The following GPC5 variants were observed in gnomAD, a reference collection of about 807,000 sequenced individuals.
The protein encoded by GPC5 is glypican 5.
Under a neutral mutation model 53.9 loss-of-function variants are expected in GPC5, and 47 were observed. The ratio of observed to expected loss-of-function variants is 0.87; its 90% confidence interval spans 0.69 to 1.11. GPC5 has a LOEUF of 1.11. Ranked by LOEUF, GPC5 falls within the 50% of genes most tolerant of loss-of-function variation. GPC5 has a pLI of 0.00. For missense variants in GPC5, 748 were observed against 713.1 expected, an observed-to-expected ratio of 1.05 and a Z score of -0.56; for synonymous variants, 286 against 263.3, an observed-to-expected ratio of 1.09 and a Z score of -0.84.
At chr13:92,489,596 G>A (rs1202124686) in intron 7 of GPC5, among the ~76,000 whole-genome samples, 1 of 152,124 alleles carries the variant, frequency 6.6e-6, no homozygotes, top group Non-Finnish European at 1.5e-5. Context: ...GTGGATACCT[G>A]AGGCAGGGCT....
intron 7 of GPC5, among the ~76,000 whole-genome samples, chr13:92,384,506 T>C (rs968956026): frequency 2.6e-5 from 4 of 152,184 alleles, no homozygotes; most frequent in African/African-American, 9.7e-5. Context: ...AATCAACTTA[T>C]AGTTTTATTC....
intron 2 of GPC5, among the ~76,000 whole-genome samples, chr13:91,504,273 A>G (rs1162873024): frequency 6.6e-6 from 1 of 152,150 alleles, no homozygotes; most frequent in Non-Finnish European, 1.5e-5. Flanking sequence ...GTGACTTTAA[A>G]AATCCAAATT....
chr13:92,807,343 T>C (rs1161838627), intron 7 of GPC5, among the ~76,000 whole-genome samples: 2 of 152,126 alleles, frequency 1.3e-5, no homozygotes, highest in African/African-American at 2.4e-5. Flanking sequence ...TTATGGTTGA[T>C]GGCCATCTGT....
rs755411746 is a variant in GPC5, at chr13:92,671,219, AC to A, written c.1562-195062del. On this transcript the variant is annotated intron_variant, in intron 7 of 7. Coordinates refer to ENST00000377067, the MANE Select transcript of GPC5 (RefSeq NM_004466.6). ...CAGAACTGAGTTCTCTGTAAAAAAA[AC>A]ATTCCGAAATAAACAAGACCAGCCT... Among the ~76,000 whole-genome samples, 109 of 152,336 alleles carry A rather than the reference AC, an allele frequency of 7.2e-4. 1 individual carries two copies. The highest frequency in any genetic ancestry group is 4.8e-3 in the Admixed American group (73 of 15,296).
In GPC5 at chr13:92,636,558, C is replaced by T. The variant is rs185833801; in HGVS notation, c.1562-229724C>T. 2.0e-5 allele frequency among the ~76,000 whole-genome samples: 3 copies of T among 152,240 alleles called. No homozygotes were observed. The East Asian group carries it at 5.8e-4, about 29-fold the overall frequency. Reference sequence around the variant, plus strand: ...AAATTACTTTGGCTGAGAGTCAGAGCTAACCTGAATGTTGTATTAAGTGCA... The same window carrying T: ...AAATTACTTTGGCTGAGAGTCAGAGTTAACCTGAATGTTGTATTAAGTGCA... On this transcript the variant is annotated intron_variant, in intron 7 of 7. Coordinates refer to ENST00000377067, the MANE Select transcript of GPC5 (RefSeq NM_004466.6).
At chr13:92,555,734 T>G (rs1406480530) in intron 7 of GPC5, among the ~76,000 whole-genome samples, 3 of 149,748 alleles carry the variant, frequency 2.0e-5, no homozygotes, top group Non-Finnish European at 4.5e-5. Flanking sequence ...TATGAATATA[T>G]AAATTTATAC....
chr13:91,915,107 G>C (rs2039645913), intron 6 of GPC5, among the ~76,000 whole-genome samples: 1 of 152,064 alleles, frequency 6.6e-6, no homozygotes, highest in Non-Finnish European at 1.5e-5. Flanking sequence ...CACATCCCCA[G>C]GCTTATGATA....
intron 2 of GPC5, among the ~76,000 whole-genome samples, chr13:91,501,676 T>C (rs1884645716): frequency 6.6e-6 from 1 of 152,212 alleles, no homozygotes; most frequent in Non-Finnish European, 1.5e-5. Context: ...TCCAAGTCTT[T>C]GCTATTGTGA....
At chr13:91,628,870 T>C (rs2034081273) in intron 2 of GPC5, among the ~76,000 whole-genome samples, 2 of 152,186 alleles carry the variant, frequency 1.3e-5, no homozygotes, top group South Asian at 4.1e-4. Flanking sequence ...CTCAAGATTC[T>C]GCATTTCTAA....
chr13:91,729,106 AG>A (rs2036639120), intron 4 of GPC5, among the ~76,000 whole-genome samples: 1 of 152,234 alleles, frequency 6.6e-6, no homozygotes. Context: ...ATGATGTGAT[AG>A]GTATTACTGA....
At chr13:92,516,906 G>T (rs1002351950) in intron 7 of GPC5, among the ~76,000 whole-genome samples, 1 of 152,100 alleles carries the variant, frequency 6.6e-6, no homozygotes, top group African/African-American at 2.4e-5. Flanking sequence ...AAGCACAAGG[G>T]GTCAGGGAAT....
chr13:92,474,335 C>T (rs1879019873), intron 7 of GPC5, among the ~76,000 whole-genome samples: 1 of 151,860 alleles, frequency 6.6e-6, no homozygotes, highest in African/African-American at 2.4e-5. Context: ...AGATGTGTAA[C>T]CTCTATGTAT....
At chr13:92,617,277 T>C (rs1441053541) in intron 7 of GPC5, among the ~76,000 whole-genome samples, 1 of 152,184 alleles carries the variant, frequency 6.6e-6, no homozygotes, top group Non-Finnish European at 1.5e-5. Context: ...CACCTAGAAA[T>C]CATGCTCTGT....
At chr13:92,754,976 G>A (rs909697353) in intron 7 of GPC5, among the ~76,000 whole-genome samples, 32 of 152,056 alleles carry the variant, frequency 2.1e-4, no homozygotes, top group Middle Eastern at 3.4e-3. Flanking sequence ...TGCACCAAGC[G>A]GACCTAACAC....
At chr13:91,842,717 A>AG (rs2038803568) in intron 5 of GPC5, among the ~76,000 whole-genome samples, 1 of 139,366 alleles carries the variant, frequency 7.2e-6, no homozygotes, top group Non-Finnish European at 1.7e-5. Context: ...AAAAAAAAAA[A>AG]AAAAAAAAAA....
chr13:92,419,303 T>A (rs929032310), intron 7 of GPC5, among the ~76,000 whole-genome samples: 1 of 152,146 alleles, frequency 6.6e-6, no homozygotes, highest in African/African-American at 2.4e-5. Context: ...CTGAGAAACT[T>A]TTCAGCATTG....
At chr13:91,629,354 T>A (rs905050199) in intron 2 of GPC5, among the ~76,000 whole-genome samples, 9 of 152,092 alleles carry the variant, frequency 5.9e-5, no homozygotes, top group Non-Finnish European at 1.3e-4. Flanking sequence ...AAATTTATTT[T>A]TTTTCAGGCT....
chr13:92,748,311 T>TATTATTA (rs1555309005), intron 7 of GPC5, among the ~76,000 whole-genome samples: 7 of 142,352 alleles, frequency 4.9e-5, no homozygotes, highest in East Asian at 2.1e-4. Context: ...TGCATTTTAT[T>TATTATTA]TTATTATTAT....
intron 6 of GPC5, among the ~76,000 whole-genome samples, chr13:92,129,986 G>A (rs193101508): frequency 3.7e-4 from 56 of 152,046 alleles, no homozygotes; most frequent in Admixed American, 1.7e-3. Flanking sequence ...CAAAACCTAA[G>A]GAACATAATA....
Sources: allele counts gnomAD v4.1 joint callset (sites outside exome capture counted in the v4.1 genomes callset), GRCh38; gene constraint gnomAD v4.1.1; transcripts MANE v1.5; gene names NCBI Gene and HGNC (gene_info 2026-07-23, HGNC 2026-07-21).